The following CCDC172 variants were observed in gnomAD, a reference collection of about 807,000 sequenced individuals.
The protein encoded by CCDC172 is coiled-coil domain containing 172.
A neutral mutation model predicts 38.0 loss-of-function variants in CCDC172; 30 were observed. That is an observed-to-expected ratio of 0.79 (90% confidence interval 0.59 to 1.07). The LOEUF (loss-of-function observed/expected upper bound fraction) is 1.07. Ranked by LOEUF, CCDC172 falls within the 50% of genes least tolerant of loss-of-function variation. The probability of loss-of-function intolerance (pLI) is 0.00; values close to 1 mark genes in which losing one functional copy is unlikely to be tolerated. For synonymous variants in CCDC172, 78 were observed against 88.3 expected, an observed-to-expected ratio of 0.88 and a Z score of 0.66; for missense variants, 297 against 290.1, an observed-to-expected ratio of 1.02 and a Z score of -0.17.
intron 5 of CCDC172, among the ~76,000 whole-genome samples, chr10:116,354,579 C>G (rs562274088): frequency 6.6e-6 from 1 of 152,224 alleles, no homozygotes; most frequent in South Asian, 2.1e-4. Context: ...AAAAAATTAG[C>G]CGGGCATGGT....
chr10:116,343,676 C>G (rs1844828776), intron 5 of CCDC172, among the ~76,000 whole-genome samples: 1 of 152,086 alleles, frequency 6.6e-6, no homozygotes. Flanking sequence ...ATACAGTGCT[C>G]TTAAAAACTT....
chr10:116,366,005 G>A (rs770276754), intron 7 of CCDC172, among the ~76,000 whole-genome samples: 4 of 152,008 alleles, frequency 2.6e-5, no homozygotes, highest in African/African-American at 2.4e-5. Context: ...ACCTAACTAT[G>A]CATTTCTCAC....
In CCDC172 at chr10:116,342,104, T is replaced by G; in HGVS notation, c.351T>G (p.Asn117Lys). The change falls in exon 5 of 9, where the codon AAT (asparagine) becomes AAG (lysine). Residue 117 changes from asparagine to lysine, a missense_variant. Asn to Lys is a moderately conservative substitution (Grantham distance 94). Coordinates refer to ENST00000333254, the MANE Select transcript of CCDC172 (RefSeq NM_198515.3). Reference protein sequence around the residue: ...KFIKEITDFNNDYEITKKREL... With the variant: ...KFIKEITDFNKDYEITKKREL... ...TTAAGGAAATTACAGACTTTAATAA[T>G]GATTATGAAATAACAAAGAAAAGAG... is the stretch of plus-strand genomic sequence containing the variant. The G allele has an allele frequency of 6.4e-7, 1 of 1,551,812 alleles. No individual in the cohort carries two copies. The highest frequency in any genetic ancestry group is 1.4e-5 in the African/African-American group (1 of 70,348).
intron 3 of CCDC172, among the ~76,000 whole-genome samples, chr10:116,332,562 A>G (rs1844677674): frequency 6.6e-6 from 1 of 152,108 alleles, no homozygotes; most frequent in Non-Finnish European, 1.5e-5. Flanking sequence ...TTTTTTTACA[A>G]CATTTTGTGG....
chr10:116,371,896 A>C (rs11197641), intron 7 of CCDC172, among the ~76,000 whole-genome samples: 35,547 of 151,994 alleles, frequency 0.23, 6,303 homozygotes, highest in African/African-American at 0.47. Flanking sequence ...TTCTTCCACC[A>C]TACAGAAGCC....
At chr10:116,342,228 C>T in intron 5 of CCDC172, 27 bp downstream of exon 5, 4 of 1,506,320 alleles carry the variant, frequency 2.7e-6, no homozygotes, top group East Asian at 5.3e-5. Flanking sequence ...CCTCATTTGT[C>T]TTGCATTAAT....
intron 7 of CCDC172, among the ~76,000 whole-genome samples, chr10:116,365,836 C>A (rs964397183): frequency 6.6e-6 from 1 of 152,034 alleles, no homozygotes; most frequent in African/African-American, 2.4e-5. Context: ...ACATACTTAC[C>A]ATTGTGTTTC....
intron 7 of CCDC172, among the ~76,000 whole-genome samples, chr10:116,363,467 T>A (rs745968868): frequency 6.6e-6 from 1 of 152,170 alleles, no homozygotes; most frequent in Non-Finnish European, 1.5e-5. Flanking sequence ...TTAAATAGAA[T>A]AATTTTGTGC....
chr10:116,332,994 A>C lies in CCDC172; in HGVS notation c.165+7606A>C, dbSNP rs532476751. On this transcript the variant is annotated intron_variant, in intron 3 of 8. Coordinates refer to ENST00000333254, the MANE Select transcript of CCDC172 (RefSeq NM_198515.3). Reference sequence around the variant, plus strand: ...GTTGTCTTCTCTTTTTTAACACTCTAATTTTTAAAAATTTCAGCTTGTTCT... The same window carrying C: ...GTTGTCTTCTCTTTTTTAACACTCTCATTTTTAAAAATTTCAGCTTGTTCT... Among the ~76,000 whole-genome samples the C allele has an allele frequency of 5.3e-5, 8 of 152,146 alleles. 1 individual carries two copies. The highest frequency in any genetic ancestry group is 2.0e-4 in the Admixed American group (3 of 15,272).
intron 3 of CCDC172, among the ~76,000 whole-genome samples, chr10:116,326,217 A>G (rs1245149964): frequency 6.6e-6 from 1 of 152,210 alleles, no homozygotes; most frequent in Non-Finnish European, 1.5e-5. Flanking sequence ...CCTGGGCAAC[A>G]TAGTGAGACC....
In CCDC172 at chr10:116,357,427, A is replaced by G; in HGVS notation, c.496A>G (p.Lys166Glu). 1 of 1,585,810 alleles carries G rather than the reference A, an allele frequency of 6.3e-7. No individual in the cohort carries two copies. ...TAGTAGCCAGTTAAATGAACTTCAA[A>G]AACAAAAGAGTGAATTGATACAAGA... ...HDSSQLNELQ[K>E]QKSELIQELF... Residue 166 changes from lysine (K) to glutamate (E), a missense_variant, in exon 6 of 9, where the codon AAA (lysine) becomes GAA (glutamate). Coordinates refer to ENST00000333254, the MANE Select transcript of CCDC172 (RefSeq NM_198515.3).
intron 3 of CCDC172, among the ~76,000 whole-genome samples, chr10:116,327,684 G>T (rs1844608294): frequency 6.6e-6 from 1 of 151,960 alleles, no homozygotes; most frequent in East Asian, 1.9e-4. Context: ...TAATACATTT[G>T]TATCTTACTA....
chr10:116,378,624 C>T (rs2133083167), intron 8 of CCDC172, 114 bp downstream of exon 8: 2 of 754,868 alleles, frequency 2.6e-6, no homozygotes, highest in South Asian at 3.5e-5. Context: ...CTGCAAAAAA[C>T]AGAAAAGCAA....
intron 3 of CCDC172, among the ~76,000 whole-genome samples, chr10:116,337,394 C>T (rs767464374): frequency 3.3e-5 from 5 of 152,228 alleles, no homozygotes; most frequent in Non-Finnish European, 7.4e-5. Flanking sequence ...AGGTGATCCA[C>T]CCGTCTCGGC....
intron 7 of CCDC172, among the ~76,000 whole-genome samples, chr10:116,375,030 A>ATGC (rs1387499420): frequency 2.0e-5 from 3 of 152,000 alleles, no homozygotes; most frequent in Non-Finnish European, 2.9e-5. Context: ...GTATTTCCTT[A>ATGC]TGCTTTTCTT....
chr10:116,377,704 G>A (rs1301892625), intron 7 of CCDC172, among the ~76,000 whole-genome samples: 1 of 150,872 alleles, frequency 6.6e-6, no homozygotes, highest in Non-Finnish European at 1.5e-5. Context: ...AGATCAAGAA[G>A]AGAGCTCAAG....
At chr10:116,329,757 T>C (rs1281846669) in intron 3 of CCDC172, among the ~76,000 whole-genome samples, 1 of 152,140 alleles carries the variant, frequency 6.6e-6, no homozygotes, top group Non-Finnish European at 1.5e-5. Flanking sequence ...TTAACACAAA[T>C]CGAGGTGGTG....
At chr10:116,330,185 C>T (rs1844642931) in intron 3 of CCDC172, among the ~76,000 whole-genome samples, 2 of 152,084 alleles carry the variant, frequency 1.3e-5, no homozygotes, top group African/African-American at 4.8e-5. Flanking sequence ...TATTATTTTG[C>T]CAATGATAAT....
chr10:116,339,956 G>A (rs1844772880), intron 3 of CCDC172, among the ~76,000 whole-genome samples: 1 of 151,884 alleles, frequency 6.6e-6, no homozygotes, highest in African/African-American at 2.4e-5. Context: ...GATGGGAACA[G>A]CCCCAAACTG....
Sources: gnomAD v4.1 joint callset for allele counts (sites outside exome capture counted in the v4.1 genomes callset) on GRCh38, gnomAD v4.1.1 for gene constraint, MANE v1.5 for transcripts, NCBI Gene and HGNC (gene_info 2026-07-23, HGNC 2026-07-21) for gene names.